The following PRIM2 variants were observed in gnomAD, a reference collection of about 807,000 sequenced individuals.
PRIM2 encodes the protein DNA primase subunit 2.
Under a neutral mutation model 67.3 loss-of-function variants are expected in PRIM2, and 39 were observed. The observed-to-expected ratio is 0.58, with a 90% CI of 0.45 to 0.76. PRIM2 has a LOEUF of 0.76. Among genes scored for constraint, PRIM2 ranks in the 30% least tolerant of loss-of-function variants. PRIM2 has a pLI of 0.00. For missense variants in PRIM2, 398 were observed against 598.7 expected, an observed-to-expected ratio of 0.66 and a Z score of 3.50; for synonymous variants, 143 against 198.7, an observed-to-expected ratio of 0.72 and a Z score of 2.36.
At chr6:57,474,897 ACTC>A (rs1459083414) in intron 7 of PRIM2, among the ~76,000 whole-genome samples, 8 of 151,924 alleles carry the variant, frequency 5.3e-5, no homozygotes, top group Non-Finnish European at 1.2e-4. Context: ...CTGGCATAGA[ACTC>A]CTGGTAGCAT....
At chr6:57,283,023 C>CT in the PRIM2 span, among the ~76,000 whole-genome samples, 8,801 of 152,006 alleles carry the variant, frequency 0.058, 585 homozygotes, top group African/African-American at 0.16. Context: ...AATTGTTTTG[C>CT]TTTTTTTAAA....
chr6:57,240,703 A>G, the PRIM2 span, among the ~76,000 whole-genome samples: 1 of 152,170 alleles, frequency 6.6e-6, no homozygotes, highest in Admixed American at 6.5e-5. Context: ...GATAGAATAC[A>G]TAACATGTTT....
At chr6:57,235,837 G>C in the PRIM2 span, among the ~76,000 whole-genome samples, 4 of 152,174 alleles carry the variant, frequency 2.6e-5, no homozygotes, top group Admixed American at 2.6e-4. Flanking sequence ...AGAAGAGAGA[G>C]AGATTTGAAG....
At chr6:57,442,569 T>A (rs1314826052) in intron 7 of PRIM2, among the ~76,000 whole-genome samples, 3 of 152,106 alleles carry the variant, frequency 2.0e-5, no homozygotes, top group African/African-American at 7.2e-5. Flanking sequence ...GCAGCACCAA[T>A]CCTCCTTTTG....
the PRIM2 span, among the ~76,000 whole-genome samples, chr6:57,227,022 C>A: frequency 6.6e-6 from 1 of 152,082 alleles, no homozygotes; most frequent in Admixed American, 6.6e-5. Flanking sequence ...AGCATATACA[C>A]TTCTAGATTT....
At chr6:57,537,219 A>G (rs1202839159) in intron 9 of PRIM2, among the ~76,000 whole-genome samples, 1 of 152,216 alleles carries the variant, frequency 6.6e-6, no homozygotes, top group Admixed American at 6.5e-5. Context: ...ATTTAATCCA[A>G]AGTATCTAAA....
chr6:57,310,761 C>T (rs990218039), upstream of PRIM2, among the ~76,000 whole-genome samples: 16 of 147,366 alleles, frequency 1.1e-4, no homozygotes, highest in Non-Finnish European at 1.3e-4. Flanking sequence ...CAGGCAGAGG[C>T]GCTCCCCACC....
At chr6:57,373,945 A>G (rs971468601) in intron 5 of PRIM2, among the ~76,000 whole-genome samples, 6 of 152,126 alleles carry the variant, frequency 3.9e-5, no homozygotes, top group African/African-American at 1.4e-4. Context: ...TTTTGGTTCC[A>G]TATGAATTTT....
At chr6:57,460,583 T>C (rs1159256912) in intron 7 of PRIM2, among the ~76,000 whole-genome samples, 5 of 152,016 alleles carry the variant, frequency 3.3e-5, no homozygotes, top group Non-Finnish European at 7.4e-5. Flanking sequence ...TTAAGTCTTT[T>C]GATAGGCCTG....
intron 5 of PRIM2, among the ~76,000 whole-genome samples, chr6:57,335,803 TCTC>T (rs1287121398): frequency 6.6e-6 from 1 of 152,038 alleles, no homozygotes; most frequent in East Asian, 1.9e-4. Context: ...GCAGAGCGCC[TCTC>T]CTCCTCCAAA....
chr6:57,262,588 T>A, the PRIM2 span, among the ~76,000 whole-genome samples: 6 of 152,124 alleles, frequency 3.9e-5, no homozygotes, highest in Non-Finnish European at 5.9e-5. Flanking sequence ...CTGTCCATCA[T>A]GAGAACACAG....
upstream of PRIM2, among the ~76,000 whole-genome samples, chr6:57,311,036 C>G (rs185257359): frequency 2.0e-5 from 3 of 148,236 alleles, no homozygotes; most frequent in East Asian, 4.2e-4. Context: ...CAGAGACACC[C>G]GTCACCTCCC....
intron 11 of PRIM2, among the ~76,000 whole-genome samples, chr6:57,604,986 G>A (rs1259513614): frequency 3.3e-5 from 5 of 152,178 alleles, no homozygotes; most frequent in African/African-American, 1.2e-4. Context: ...CACCGCGCTT[G>A]GCCAGGATAT....
At chr6:57,521,382 T>TTTTTTG (rs1554348907) in intron 8 of PRIM2, among the ~76,000 whole-genome samples, 30 of 147,372 alleles carry the variant, frequency 2.0e-4, no homozygotes, top group African/African-American at 6.0e-4. Context: ...TTTTTTTTTT[T>TTTTTTG]TTTTTTTTTT....
At chr6:57,306,695 T>C in the PRIM2 span, among the ~76,000 whole-genome samples, 191 of 152,272 alleles carry the variant, frequency 1.3e-3, 8 homozygotes, top group South Asian at 0.038. Context: ...TAGATCTGTC[T>C]TGGGTCTAAT....
At chr6:57,256,561 C>A in the PRIM2 span, among the ~76,000 whole-genome samples, 1 of 151,412 alleles carries the variant, frequency 6.6e-6, no homozygotes, top group Non-Finnish European at 1.5e-5. Context: ...CATTGGATTG[C>A]GTTATCTTTT....
intron 7 of PRIM2, among the ~76,000 whole-genome samples, chr6:57,429,603 G>A (rs111800714): frequency 4.6e-5 from 7 of 152,152 alleles, no homozygotes; most frequent in East Asian, 1.9e-4. Context: ...GAATGTGACC[G>A]CATTTGGAGA....
chr6:57,426,688 C>G (rs1771637267), intron 7 of PRIM2, among the ~76,000 whole-genome samples: 1 of 152,164 alleles, frequency 6.6e-6, no homozygotes, highest in South Asian at 2.1e-4. Context: ...AAGACTTGTT[C>G]ATGATTATTC....
intron 5 of PRIM2, among the ~76,000 whole-genome samples, chr6:57,336,570 A>C (rs1363381920): frequency 6.6e-6 from 1 of 152,158 alleles, no homozygotes; most frequent in Non-Finnish European, 1.5e-5. Context: ...TTCTTAAAGA[A>C]AAGAATTTTC....
Sources: gnomAD v4.1 joint callset for allele counts (sites outside exome capture counted in the v4.1 genomes callset) on GRCh38, gnomAD v4.1.1 for gene constraint, MANE v1.5 for transcripts, NCBI Gene and HGNC (gene_info 2026-07-23, HGNC 2026-07-21) for gene names.